SSPN: variants seen among roughly 807,000 people sequenced by gnomAD.
SSPN encodes the protein K-ras oncogene-associated protein.
A neutral mutation model predicts 19.1 loss-of-function variants in SSPN; 15 were observed. That is an observed-to-expected ratio of 0.78 (90% CI 0.52 to 1.21). The LOEUF (loss-of-function observed/expected upper bound fraction) is 1.21, where lower values mean the gene tolerates loss of function less well. SSPN is among the 50% of genes most tolerant of loss of function. SSPN has a pLI of 0.00. For missense variants in SSPN, 291 were observed against 314.0 expected (o/e 0.93, Z 0.55); for synonymous variants, 147 against 140.3 (o/e 1.05, Z -0.34).
chr12:26,141,787 G>A (rs1944461781), intron 1 of SSPN, among the ~76,000 whole-genome samples: 1 of 152,194 alleles, frequency 6.6e-6, no homozygotes, highest in Non-Finnish European at 1.5e-5. Flanking sequence ...TAAACGCTCA[G>A]TGAATGTATG....
intron 2 of SSPN, among the ~76,000 whole-genome samples, chr12:26,227,663 T>G (rs897519805): frequency 6.6e-6 from 1 of 152,246 alleles, no homozygotes; most frequent in African/African-American, 2.4e-5. Flanking sequence ...AATACTTAAA[T>G]AGGCTCCTGT....
At chr12:26,150,037 G>A (rs1439304475) in intron 1 of SSPN, among the ~76,000 whole-genome samples, 1 of 152,162 alleles carries the variant, frequency 6.6e-6, no homozygotes, top group Non-Finnish European at 1.5e-5. Context: ...TGCTATATGG[G>A]GTACTGTCTC....
chr12:26,160,439 T>A (rs1377425244), intron 1 of SSPN, among the ~76,000 whole-genome samples: 1 of 152,224 alleles, frequency 6.6e-6, no homozygotes, highest in African/African-American at 2.4e-5. Flanking sequence ...ACAAATAACA[T>A]CAGTGTGTTA....
upstream of SSPN, among the ~76,000 whole-genome samples, chr12:26,192,273 A>G (rs12827659): frequency 0.042 from 6,382 of 152,300 alleles, 182 homozygotes; most frequent in South Asian, 0.082. Flanking sequence ...AAGAGTATCC[A>G]AAAACATTTT....
In SSPN at chr12:26,171,638, C is replaced by T. The variant is rs559302698; in HGVS notation, c.-31+49486C>T. ...CTGTTTTCCCTATTTTTTTTTTTGT[C>T]AAAGAACTATAGTTATTTTTCATCA... is the stretch of plus-strand genomic sequence containing the variant. On this transcript the variant is annotated intron_variant, in intron 1 of 2. Transcript: ENST00000538142. 7.4e-5 allele frequency among the ~76,000 whole-genome samples: 11 copies of T among 148,992 alleles called. No individual in the cohort carries two copies. In the South Asian group the frequency reaches 2.3e-3, roughly 32 times the overall value.
chr12:26,124,918 G>T lies in SSPN; in HGVS notation c.-31+2766G>T, dbSNP rs185621747. The T allele has an allele frequency of 6.0e-4, 531 of 879,224 alleles. 4 individuals are homozygous for T. In the African/African-American group the frequency reaches 7.8e-3, roughly 13 times the overall value. 54.5% of individuals were successfully genotyped at this position (879,224 alleles called of 1,614,324 possible). ...CGCTCTCCCTCTTCAGTGCAGTGTT[G>T]AAAGTGTGAAGCAGTTGGTCCCCCC... On this transcript the variant is annotated intron_variant, in intron 1 of 2. Transcript: ENST00000538142.
At chr12:26,212,420 GAA>G (rs1944998476) in intron 1 of SSPN, among the ~76,000 whole-genome samples, 1 of 152,080 alleles carries the variant, frequency 6.6e-6, no homozygotes, top group Non-Finnish European at 1.5e-5. Flanking sequence ...TTTTCCCTGA[GAA>G]ATTTTGACCT....
intron 1 of SSPN, among the ~76,000 whole-genome samples, chr12:26,215,482 G>C (rs1169961199): frequency 3.3e-5 from 5 of 152,210 alleles, no homozygotes; most frequent in Non-Finnish European, 7.4e-5. Flanking sequence ...GAGCATTGCT[G>C]ATGGACTTGT....
intron 1 of SSPN, among the ~76,000 whole-genome samples, chr12:26,216,806 TC>T (rs1945056512): frequency 1.6e-5 from 2 of 126,744 alleles, no homozygotes; most frequent in Non-Finnish European, 3.3e-5. Flanking sequence ...TAGCCAGTTT[TC>T]CCAGCACCAT....
intron 1 of SSPN, among the ~76,000 whole-genome samples, chr12:26,196,816 G>A (rs1409371869): frequency 6.6e-6 from 1 of 152,198 alleles, no homozygotes; most frequent in Non-Finnish European, 1.5e-5. Context: ...CTCACCCAGG[G>A]TCATGAGTGG....
chr12:26,149,625 A>G (rs2137414048), intron 1 of SSPN, among the ~76,000 whole-genome samples: 1 of 152,370 alleles, frequency 6.6e-6, no homozygotes, highest in East Asian at 1.9e-4. Flanking sequence ...AAATAAATGT[A>G]CATGTCTGGT....
At chr12:26,166,532 A>G (rs1486285643) in intron 1 of SSPN, among the ~76,000 whole-genome samples, 1 of 152,290 alleles carries the variant, frequency 6.6e-6, no homozygotes, top group Non-Finnish European at 1.5e-5. Context: ...AACTGCAGAC[A>G]TCTGCCCTGT....
At chr12:26,165,790 T>G (rs1944617146) in intron 1 of SSPN, among the ~76,000 whole-genome samples, 1 of 152,230 alleles carries the variant, frequency 6.6e-6, no homozygotes, top group African/African-American at 2.4e-5. Context: ...GGGATTAACG[T>G]AATAATTGTC....
chr12:26,224,365 C>CTATG lies in SSPN; in HGVS notation c.352_353insTATG (p.Gln118LeufsTer2), dbSNP rs762783901. 14 of 1,612,932 alleles carry CTATG rather than the reference C, an allele frequency of 8.7e-6. No homozygotes were observed. In the South Asian group the frequency reaches 1.4e-4, roughly 16 times the overall value. On this transcript the variant is annotated stop_gained and frameshift_variant, in exon 2 of 3. Coordinates refer to ENST00000242729, the MANE Select transcript of SSPN (RefSeq NM_005086.5). LOFTEE classifies it high-confidence loss of function. ...TCAGGTTGACGAACGGACATGTATT[C>CTATG]AATTTTCTATGAAAGTAAGTTGTGA... is the stretch of plus-strand genomic sequence containing the variant.
At chr12:26,136,268 C>A in intron 1 of SSPN, among the ~76,000 whole-genome samples, 1 of 152,100 alleles carries the variant, frequency 6.6e-6, no homozygotes, top group Non-Finnish European at 1.5e-5. Context: ...TGGTATCCAC[C>A]GGAGGTCCTG....
intron 1 of SSPN, among the ~76,000 whole-genome samples, chr12:26,161,837 T>C (rs1944590951): frequency 6.6e-6 from 1 of 152,176 alleles, no homozygotes; most frequent in Non-Finnish European, 1.5e-5. Flanking sequence ...CAGTTCACAA[T>C]AGGGTTCATG....
chr12:26,187,573 G>C (rs748329963), intron 1 of SSPN, among the ~76,000 whole-genome samples: 9 of 152,150 alleles, frequency 5.9e-5, no homozygotes, highest in Admixed American at 1.3e-4. Context: ...GAAATAGAAC[G>C]GCAGACTTTT....
chr12:26,138,509 C>T (rs1047996915), intron 1 of SSPN, among the ~76,000 whole-genome samples: 1 of 152,116 alleles, frequency 6.6e-6, no homozygotes, highest in Non-Finnish European at 1.5e-5. Flanking sequence ...TCTGGCCTGT[C>T]CAATGTGGTA....
At chr12:26,139,495 G>T (rs1944446914) in intron 1 of SSPN, among the ~76,000 whole-genome samples, 1 of 152,138 alleles carries the variant, frequency 6.6e-6, no homozygotes, top group African/African-American at 2.4e-5. Flanking sequence ...AATGGAATCT[G>T]CCTGATTAAC....
Sources: gnomAD v4.1 joint callset for allele counts (sites outside exome capture counted in the v4.1 genomes callset) on GRCh38, gnomAD v4.1.1 for gene constraint, MANE v1.5 for transcripts, NCBI Gene and HGNC (gene_info 2026-07-23, HGNC 2026-07-21) for gene names.